DSTN: variants seen among roughly 807,000 people sequenced by gnomAD.
The protein encoded by DSTN is destrin.
A neutral mutation model predicts 16.8 loss-of-function variants in DSTN; 10 were observed. The ratio of observed to expected loss-of-function variants is 0.60; its 90% CI spans 0.37 to 1.01. The LOEUF (loss-of-function observed/expected upper bound fraction) is 1.01. Among genes scored for constraint, DSTN ranks in the 50% least tolerant of loss-of-function variants. The pLI is 0.01. For missense variants in DSTN, 141 were observed against 196.7 expected (o/e 0.72, Z 1.69); for synonymous variants, 57 against 58.9 (o/e 0.97, Z 0.14).
At chr20:17,589,906 A>G (rs1380368531) in intron 1 of DSTN, among the ~76,000 whole-genome samples, 1 of 152,160 alleles carries the variant, frequency 6.6e-6, no homozygotes. Context: ...TAATTTTCTG[A>G]GGTAGTTAAA....
At chr20:17,594,242 C>T (rs578071876) in intron 1 of DSTN, among the ~76,000 whole-genome samples, 1 of 152,030 alleles carries the variant, frequency 6.6e-6, no homozygotes, top group Admixed American at 6.5e-5. Flanking sequence ...TATGGGCAGT[C>T]TTGTTGTATT....
rs112218911 is a variant in DSTN, at chr20:17,592,148, A to G, written c.4-8590A>G. 508 of 971,578 alleles carry G rather than the reference A, an allele frequency of 5.2e-4. 3 individuals carry two copies. The African/African-American group carries it at 8.4e-3, about 16-fold the overall frequency. 60.2% of individuals were successfully genotyped at this position (971,578 alleles called of 1,614,324 possible). On this transcript the variant is annotated intron_variant, in intron 1 of 3. Transcript: ENST00000246069. ...TATCAAGAACCTAGGGACTACAGCCAGGCATGGTGGCTCATGCCTGTAATC... is the reference window on the plus strand; with the variant it reads ...TATCAAGAACCTAGGGACTACAGCCGGGCATGGTGGCTCATGCCTGTAATC...
At chr20:17,579,354 C>G (rs144137183) in intron 1 of DSTN, among the ~76,000 whole-genome samples, 2 of 152,194 alleles carry the variant, frequency 1.3e-5, no homozygotes, top group African/African-American at 2.4e-5. Context: ...GCAGGCAGAT[C>G]GCTTGAGCTT....
At chr20:17,572,392 C>A in intron 1 of DSTN, among the ~76,000 whole-genome samples, 1 of 152,110 alleles carries the variant, frequency 6.6e-6, no homozygotes, top group East Asian at 1.9e-4. Flanking sequence ...GTTTAGTAGC[C>A]CATCATCAAG....
chr20:17,599,413 C>T (rs557904184), intron 1 of DSTN: 1 of 152,252 alleles, frequency 6.6e-6, no homozygotes, highest in Non-Finnish European at 1.5e-5. Flanking sequence ...TGGCTCTGCT[C>T]CTTCAGCTTC....
At chr20:17,579,843 A>T (rs1426708798) in intron 1 of DSTN, among the ~76,000 whole-genome samples, 1 of 152,252 alleles carries the variant, frequency 6.6e-6, no homozygotes, top group African/African-American at 2.4e-5. Flanking sequence ...ATCATGTCTC[A>T]TACAGAATCA....
intron 1 of DSTN, among the ~76,000 whole-genome samples, chr20:17,591,492 C>T (rs1369355661): frequency 6.6e-6 from 1 of 152,192 alleles, no homozygotes; most frequent in Admixed American, 6.5e-5. Context: ...AGTACTCTTA[C>T]CACTACTGCT....
At chr20:17,585,544 A>G (rs1287922228) in intron 1 of DSTN, among the ~76,000 whole-genome samples, 1 of 152,206 alleles carries the variant, frequency 6.6e-6, no homozygotes, top group African/African-American at 2.4e-5. Context: ...TCACCTTGAA[A>G]TAAAAATTAT....
At chr20:17,600,524 CT>C (rs1472515013) in intron 1 of DSTN, among the ~76,000 whole-genome samples, 1 of 152,136 alleles carries the variant, frequency 6.6e-6, no homozygotes, top group Non-Finnish European at 1.5e-5. Flanking sequence ...TTCCTTACCC[CT>C]GTGCAGTAGT....
chr20:17,581,907 T>A (rs769274585), intron 1 of DSTN, among the ~76,000 whole-genome samples: 1 of 152,186 alleles, frequency 6.6e-6, no homozygotes, highest in Non-Finnish European at 1.5e-5. Context: ...TAATGACAGT[T>A]CCAACCAAAG....
intron 3 of DSTN, 132 bp downstream of exon 3, chr20:17,604,763 A>G (rs1262764473): frequency 4.9e-6 from 4 of 820,330 alleles, no homozygotes; most frequent in Non-Finnish European, 5.7e-6. Flanking sequence ...TTGTTTTGAG[A>G]AAAGCAGAAG....
Position 17,608,590 on chromosome 20 carries a change from C to G in DSTN, c.*1444C>G, listed in dbSNP as rs186659093. ...CTGAGATCGTGCCACTGTACTCCAG[C>G]CTGGATGACAGAGCAAGACCTTGTC... On this transcript the variant is annotated 3_prime_UTR_variant, in exon 4 of 4. Transcript: ENST00000246069. 9.4e-5 allele frequency: 14 copies of G among 149,668 alleles called. No homozygotes were observed. Among genetic ancestry groups the G allele is most frequent in the African/African-American group, 3.5e-4 (14 of 40,318 alleles). The allele number at this position is 149,668 out of a possible 1,614,324, so 9.3% of individuals were successfully genotyped here.
intron 1 of DSTN, among the ~76,000 whole-genome samples, chr20:17,591,748 A>G (rs1364817281): frequency 1.3e-5 from 2 of 152,234 alleles, no homozygotes; most frequent in African/African-American, 4.8e-5. Context: ...AGTTAAAGGA[A>G]CAAATTTAAT....
At chr20:17,586,752 T>A (rs2035413763) in intron 1 of DSTN, among the ~76,000 whole-genome samples, 1 of 152,210 alleles carries the variant, frequency 6.6e-6, no homozygotes, top group African/African-American at 2.4e-5. Context: ...CTAACTAGAT[T>A]TTCTGGTTAA....
intron 1 of DSTN, among the ~76,000 whole-genome samples, chr20:17,584,176 T>C (rs1023204345): frequency 6.6e-6 from 1 of 152,172 alleles, no homozygotes; most frequent in African/African-American, 2.4e-5. Context: ...ATATAGAATA[T>C]ATCTGTAAAA....
intron 1 of DSTN, chr20:17,591,993 T>TA (rs1416724839): frequency 2.0e-6 from 2 of 985,340 alleles, no homozygotes; most frequent in African/African-American, 1.7e-5. Context: ...TGAGAGGAGA[T>TA]ACACAGGCAC....
At chr20:17,576,956 A>G (rs2035285694) in intron 1 of DSTN, among the ~76,000 whole-genome samples, 1 of 150,554 alleles carries the variant, frequency 6.6e-6, no homozygotes, top group South Asian at 2.1e-4. Context: ...AAAATTCTCT[A>G]AAATCCCAAA....
At chr20:17,574,509 T>C (rs919799331) in intron 1 of DSTN, among the ~76,000 whole-genome samples, 1 of 152,084 alleles carries the variant, frequency 6.6e-6, no homozygotes, top group Non-Finnish European at 1.5e-5. Flanking sequence ...ACAGTAGATA[T>C]ATGGGAACAA....
intron 1 of DSTN, among the ~76,000 whole-genome samples, chr20:17,579,981 G>T (rs1306705986): frequency 6.6e-6 from 1 of 152,152 alleles, no homozygotes; most frequent in South Asian, 2.1e-4. Flanking sequence ...TCAAAGTTTT[G>T]TTCATCTTTA....
Sources: gnomAD v4.1 joint callset for allele counts (sites outside exome capture counted in the v4.1 genomes callset) on GRCh38, gnomAD v4.1.1 for gene constraint, MANE v1.5 for transcripts, NCBI Gene and HGNC (gene_info 2026-07-23, HGNC 2026-07-21) for gene names.